EPS15: variants seen among roughly 807,000 people sequenced by gnomAD.
EPS15 encodes the protein epidermal growth factor receptor substrate 15.
EPS15 carries 72 observed loss-of-function variants against 113.8 expected under a neutral mutation model. The observed-to-expected ratio is 0.63, with a 90% CI of 0.52 to 0.77. EPS15 has a LOEUF of 0.77. Among genes scored for constraint, EPS15 ranks in the 30% least tolerant of loss-of-function variants. The probability of loss-of-function intolerance (pLI) is 0.00; values close to 1 mark genes in which losing one functional copy is unlikely to be tolerated. For missense variants in EPS15, 1,048 were observed against 1,045.8 expected (o/e 1.00, Z -0.03); for synonymous variants, 344 against 363.4 (o/e 0.95, Z 0.61).
At chr1:51,510,963 C>T (rs1461110414) in intron 1 of EPS15, among the ~76,000 whole-genome samples, 2 of 151,764 alleles carry the variant, frequency 1.3e-5, no homozygotes, top group East Asian at 1.9e-4. Context: ...GTCAGGAGTT[C>T]GAGACCAGCC....
intron 12 of EPS15, among the ~76,000 whole-genome samples, chr1:51,428,265 T>C (rs978493033): frequency 2.0e-5 from 3 of 152,074 alleles, no homozygotes; most frequent in Non-Finnish European, 4.4e-5. Flanking sequence ...CAGGTTAAAA[T>C]GAAAGGATGC....
chr1:51,430,199 C>T (rs941383293), intron 12 of EPS15, among the ~76,000 whole-genome samples: 1 of 152,066 alleles, frequency 6.6e-6, no homozygotes, highest in Admixed American at 6.6e-5. Context: ...ACAGTAATAA[C>T]TATAGAAAGC....
At chr1:51,415,916 C>G (rs1650179158) in intron 13 of EPS15, among the ~76,000 whole-genome samples, 1 of 149,268 alleles carries the variant, frequency 6.7e-6, no homozygotes, top group Non-Finnish European at 1.5e-5. Context: ...TCAAAATGAA[C>G]TCATGCAAAT....
chr1:51,375,822 AAAC>A (rs1646783715), intron 21 of EPS15, among the ~76,000 whole-genome samples: 1 of 152,222 alleles, frequency 6.6e-6, no homozygotes, highest in South Asian at 2.1e-4. Flanking sequence ...AAACAAAACA[AAAC>A]AAACAAACCA....
At position 51,420,069 on chromosome 1, in the gene EPS15, TTACTTA is replaced by T. The variant is rs573343150; in HGVS notation, c.1113+1711_1113+1716del. On this transcript the variant is annotated intron_variant, in intron 13 of 24. Coordinates refer to ENST00000371733, the MANE Select transcript of EPS15 (RefSeq NM_001981.3). The stretch of plus-strand genomic sequence containing the variant: ...TTTACTTACCATGGCCCAAGATGCC[TTACTTA>T]TACTTAGAGCACTCTATGTGGAAAA... 5.3e-5 allele frequency among the ~76,000 whole-genome samples: 8 copies of T among 152,304 alleles called. No individual in the cohort carries two copies. The South Asian group carries it at 1.2e-3, about 24-fold the overall frequency.
chr1:51,384,265 T>G (rs1032613848), intron 21 of EPS15, among the ~76,000 whole-genome samples: 1 of 151,166 alleles, frequency 6.6e-6, no homozygotes, highest in Admixed American at 6.6e-5. Flanking sequence ...GGAACCTGAA[T>G]AGCCAAAGCA....
At chr1:51,455,639 A>G (rs1481172901) in intron 8 of EPS15, among the ~76,000 whole-genome samples, 1 of 152,150 alleles carries the variant, frequency 6.6e-6, no homozygotes, top group Non-Finnish European at 1.5e-5. Context: ...TGTCGCCTTA[A>G]TGCTCCATCA....
chr1:51,424,910 A>C (rs186034631), intron 12 of EPS15, among the ~76,000 whole-genome samples: 1 of 152,244 alleles, frequency 6.6e-6, no homozygotes, highest in Admixed American at 6.5e-5. Flanking sequence ...CTCAAAAAAA[A>C]ATAAAATAAA....
chr1:51,428,465 T>C (rs1214079789), intron 12 of EPS15, among the ~76,000 whole-genome samples: 1 of 151,818 alleles, frequency 6.6e-6, no homozygotes, highest in Non-Finnish European at 1.5e-5. Context: ...TGTATAAAGA[T>C]ATAGTTTGTG....
chr1:51,366,729 C>T (rs536276166), intron 21 of EPS15, among the ~76,000 whole-genome samples: 9 of 152,304 alleles, frequency 5.9e-5, no homozygotes, highest in African/African-American at 2.2e-4. Flanking sequence ...ACATTTCACA[C>T]TCATCCTTCA....
intron 20 of EPS15, among the ~76,000 whole-genome samples, chr1:51,398,669 A>G (rs1429379281): frequency 1.3e-5 from 2 of 152,244 alleles, no homozygotes; most frequent in African/African-American, 4.8e-5. Flanking sequence ...TTATTTTTCT[A>G]AAATTCTTTT....
At chr1:51,481,801 C>G (rs1233886295) in intron 1 of EPS15, among the ~76,000 whole-genome samples, 1 of 152,156 alleles carries the variant, frequency 6.6e-6, no homozygotes, top group Non-Finnish European at 1.5e-5. Flanking sequence ...TGCAGAAAGG[C>G]AGTTCCATTA....
At chr1:51,478,383 C>T (rs1643955066) in intron 2 of EPS15, among the ~76,000 whole-genome samples, 1 of 152,198 alleles carries the variant, frequency 6.6e-6, no homozygotes, top group Admixed American at 6.5e-5. Context: ...GAATACAGCA[C>T]ACTGATGGGT....
chr1:51,367,903 G>A (rs552689122), intron 21 of EPS15, among the ~76,000 whole-genome samples: 83 of 152,246 alleles, frequency 5.5e-4, no homozygotes, highest in African/African-American at 2.0e-3. Context: ...AGGCCGAGGC[G>A]GGCAGATCAC....
chr1:51,455,525 G>C (rs1162589679), intron 8 of EPS15, among the ~76,000 whole-genome samples: 1 of 152,072 alleles, frequency 6.6e-6, no homozygotes, highest in East Asian at 1.9e-4. Context: ...GGGAGGTGGA[G>C]GTTGCGGTGA....
chr1:51,511,229 T>G (rs1337873173), intron 1 of EPS15, among the ~76,000 whole-genome samples: 1 of 151,572 alleles, frequency 6.6e-6, no homozygotes, highest in African/African-American at 2.4e-5. Flanking sequence ...GCGCAGTGGC[T>G]CACACTATAA....
At chr1:51,383,394 C>T (rs952610047) in intron 21 of EPS15, among the ~76,000 whole-genome samples, 1 of 152,156 alleles carries the variant, frequency 6.6e-6, no homozygotes, top group Non-Finnish European at 1.5e-5. Context: ...CTTTCTGGCA[C>T]CAGGGACCGG....
Position 51,463,702 on chromosome 1 carries a change from A to G in EPS15, c.472T>C (p.Ser158Pro). 3 of 1,599,776 alleles carry G rather than the reference A, an allele frequency of 1.9e-6. No individual in the cohort carries two copies. The highest frequency in any genetic ancestry group is 2.6e-6 in the Non-Finnish European group (3 of 1,167,856). Reference protein sequence around the residue: ...GDKVKPVLLNSKLPVDILGRV... With the variant: ...GDKVKPVLLNPKLPVDILGRV... ...CCAAGGATATCCACAGGTAACTTAG[A>G]GTTGAGCAACACTGGTTTCACTTTA... The change falls in exon 7 of 25, where the codon TCT (serine) becomes CCT (proline). Residue 158 changes from serine to proline, a missense_variant. Ser to Pro is a moderately conservative substitution (Grantham distance 74). Transcript: ENST00000371733.
chr1:51,387,801 A>G (rs959287920), intron 21 of EPS15, among the ~76,000 whole-genome samples: 8 of 152,236 alleles, frequency 5.3e-5, no homozygotes, highest in Non-Finnish European at 1.0e-4. Context: ...CCAATACAGG[A>G]GCACCCAGAT....
Sources: gnomAD v4.1 joint callset for allele counts (sites outside exome capture counted in the v4.1 genomes callset) on GRCh38, gnomAD v4.1.1 for gene constraint, MANE v1.5 for transcripts, NCBI Gene and HGNC (gene_info 2026-07-23, HGNC 2026-07-21) for gene names.